Variants in STAP1 observed in about 807,000 individuals in gnomAD.
STAP1 encodes signal transducing adaptor family member 1, also known as signal-transducing adaptor protein 1.
In STAP1, 30 loss-of-function variants were observed where a neutral mutation model predicts 37.8. That is an observed-to-expected ratio of 0.79 (90% CI 0.59 to 1.08). The LOEUF is 1.08. STAP1 is among the 50% of genes least tolerant of loss of function. STAP1 has a pLI of 0.00. For missense variants in STAP1, 357 were observed against 349.4 expected (o/e 1.02, Z -0.17); for synonymous variants, 130 against 116.0 (o/e 1.12, Z -0.78).
chr4:67,588,688 C>T lies in STAP1; in HGVS notation c.660-2196C>T, dbSNP rs558576779. Among the ~76,000 whole-genome samples the T allele has an allele frequency of 3.9e-5, 6 of 152,246 alleles. No homozygotes were observed. The East Asian group carries it at 5.8e-4, about 15-fold the overall frequency. On this transcript the variant is annotated intron_variant, in intron 6 of 8. Transcript: ENST00000265404. The stretch of plus-strand genomic sequence containing the variant: ...CCTCCCAAAGTGCTGGGATTACAGG[C>T]GTGAACCACTGCGCCCGGCCAATAT...
intron 1 of STAP1, among the ~76,000 whole-genome samples, chr4:67,559,201 G>T (rs935517437): frequency 2.6e-5 from 4 of 152,038 alleles, no homozygotes; most frequent in Non-Finnish European, 5.9e-5. Context: ...AATTTCCAAA[G>T]AATTTATTTA....
At chr4:67,590,082 G>A (rs1728087991) in intron 6 of STAP1, among the ~76,000 whole-genome samples, 1 of 152,098 alleles carries the variant, frequency 6.6e-6, no homozygotes, top group Admixed American at 6.5e-5. Context: ...TGGGATTACA[G>A]GCCTGAGCCA....
At chr4:67,601,967 T>C (rs354876) in intron 8 of STAP1, among the ~76,000 whole-genome samples, 128,379 of 151,900 alleles carry the variant, frequency 0.85, 55,533 homozygotes, top group South Asian at 0.94. Context: ...TCTTTAAGAC[T>C]AGTAACTCTT....
chr4:67,606,976 A>C lies in STAP1; in HGVS notation c.*619A>C, dbSNP rs1322322587. ...AAAGATGGTGAAAGGCTGTATCATC[A>C]TCTTGTCGTAAGTACGATGAGCCTG... is the stretch of plus-strand genomic sequence containing the variant. On this transcript the variant is annotated 3_prime_UTR_variant, in exon 9 of 9. Coordinates refer to ENST00000265404, the MANE Select transcript of STAP1 (RefSeq NM_012108.4). 3 of 152,214 alleles carry C rather than the reference A, an allele frequency of 2.0e-5. No homozygotes were observed. Among genetic ancestry groups the C allele is most frequent in the African/African-American group, 7.2e-5 (3 of 41,442 alleles). 9.4% of individuals were successfully genotyped at this position (152,214 alleles called of 1,614,324 possible).
At chr4:67,588,039 TAAAAAAAA>T (rs3032636) in intron 6 of STAP1, among the ~76,000 whole-genome samples, 15 of 85,636 alleles carry the variant, frequency 1.8e-4, no homozygotes, top group Admixed American at 7.4e-4. Flanking sequence ...CACATTTTCT[TAAAAAAAA>T]AAAAAAAAAA....
intron 8 of STAP1, among the ~76,000 whole-genome samples, chr4:67,595,521 A>G (rs1728206286): frequency 6.6e-6 from 1 of 152,162 alleles, no homozygotes; most frequent in African/African-American, 2.4e-5. Context: ...GGCAAGAGTG[A>G]GACCCTTTCT....
chr4:67,576,366 T>G (rs918716129), intron 3 of STAP1, among the ~76,000 whole-genome samples: 1 of 149,610 alleles, frequency 6.7e-6, no homozygotes, highest in Non-Finnish European at 1.5e-5. Context: ...GAGAACAAGG[T>G]TTTTTTTTCG....
rs542653033 is a variant in STAP1, at chr4:67,587,878, G to A, written c.660-3006G>A. 8.1e-4 allele frequency among the ~76,000 whole-genome samples: 122 copies of A among 151,030 alleles called. 1 individual carries two copies. Among genetic ancestry groups the A allele is most frequent in the African/African-American group, 2.6e-3 (109 of 41,222 alleles). On this transcript the variant is annotated intron_variant, in intron 6 of 8. Coordinates refer to ENST00000265404, the MANE Select transcript of STAP1 (RefSeq NM_012108.4). ...TGGGATTACAAGCATGTGCCACCAC[G>A]CCTGGCTAATTTTTTTTGTAGTTTT...
At chr4:67,575,680 T>C (rs1176354727) in intron 3 of STAP1, among the ~76,000 whole-genome samples, 182 bp downstream of exon 3, 1 of 152,208 alleles carries the variant, frequency 6.6e-6, no homozygotes, top group Non-Finnish European at 1.5e-5. Flanking sequence ...CGTGTTCACT[T>C]GTTTAGCATA....
At chr4:67,595,372 C>CAAAAAAAAAA (rs34185676) in intron 8 of STAP1, among the ~76,000 whole-genome samples, 1 of 87,812 alleles carries the variant, frequency 1.1e-5, no homozygotes, top group African/African-American at 4.6e-5. Context: ...TTCGTTTCTA[C>CAAAAAAAAAA]AAAAAAAAAA....
At chr4:67,597,787 A>T (rs1577769390) in intron 8 of STAP1, among the ~76,000 whole-genome samples, 1 of 152,124 alleles carries the variant, frequency 6.6e-6, no homozygotes. Context: ...TCCCATTTTG[A>T]ATGGCTGTAT....
At chr4:67,571,181 C>T in intron 2 of STAP1, 26 bp downstream of exon 2, 2 of 1,487,472 alleles carry the variant, frequency 1.3e-6, no homozygotes, top group Non-Finnish European at 1.9e-6. Flanking sequence ...GAGCTGATTC[C>T]ATTGTTTCCC....
chr4:67,569,739 T>C (rs1560457004), intron 1 of STAP1, among the ~76,000 whole-genome samples: 1 of 152,088 alleles, frequency 6.6e-6, no homozygotes, highest in African/African-American at 2.4e-5. Flanking sequence ...ATTTTGTGTG[T>C]GTGTGTGTGA....
chr4:67,570,691 GGAAA>G (rs33988978), intron 1 of STAP1, among the ~76,000 whole-genome samples: 27,708 of 147,786 alleles, frequency 0.19, 2,782 homozygotes, highest in South Asian at 0.27. Context: ...AAAGAGAGAA[GGAAA>G]GAAAGAAAGA....
Position 67,606,376 on chromosome 4 carries a change from C to CT in STAP1, c.*22dup. ...TGCATGAAATACAATGTGAAAGCTC[C>CT]TTTGTATATCTTGGTAATTTATATT... On this transcript the variant is annotated 3_prime_UTR_variant, in exon 9 of 9. Transcript: ENST00000265404. The CT allele has an allele frequency of 6.3e-7, 1 of 1,588,310 alleles. No individual in the cohort carries two copies. Among genetic ancestry groups the CT allele is most frequent in the Non-Finnish European group, 8.6e-7 (1 of 1,169,448 alleles).
chr4:67,588,292 C>G (rs1577761543), intron 6 of STAP1, among the ~76,000 whole-genome samples: 1 of 152,046 alleles, frequency 6.6e-6, no homozygotes, highest in Non-Finnish European at 1.5e-5. Flanking sequence ...TCAAAAGTTC[C>G]AAGATACCTT....
At chr4:67,596,629 G>A (rs993806676) in intron 8 of STAP1, among the ~76,000 whole-genome samples, 18 of 152,168 alleles carry the variant, frequency 1.2e-4, no homozygotes, top group African/African-American at 4.3e-4. Flanking sequence ...ATAGAGATGA[G>A]GAACTTGTTG....
At chr4:67,581,238 C>A in intron 4 of STAP1, 67 bp from the exon 5 acceptor site, 1 of 1,486,696 alleles carries the variant, frequency 6.7e-7, no homozygotes, top group Non-Finnish European at 9.2e-7. Flanking sequence ...AGAACAGGGT[C>A]GTCTTTACTA....
Position 67,575,474 on chromosome 4 carries a change from G to A in STAP1, c.282G>A (p.Leu94=). Residue 94 remains leucine, a synonymous_variant, in exon 3 of 9, where the codon TTG becomes TTA. Transcript: ENST00000265404. ...EKNCAKFTLV[L]PKEEVQLKTE... ...ACTGTGCGAAATTCACCCTTGTTTT[G>A]CCGAAAGAGGAAGTACAACTGAAGG... 1.2e-6 allele frequency: 2 copies of A among 1,611,140 alleles called. No individual in the cohort carries two copies. The highest frequency in any genetic ancestry group is 1.7e-6 in the Non-Finnish European group (2 of 1,178,900).
Sources: gnomAD v4.1 joint callset for allele counts (sites outside exome capture counted in the v4.1 genomes callset) on GRCh38, gnomAD v4.1.1 for gene constraint, MANE v1.5 for transcripts, NCBI Gene and HGNC (gene_info 2026-07-23, HGNC 2026-07-21) for gene names.